TENM4: variants seen among roughly 807,000 people sequenced by gnomAD.
The protein encoded by TENM4 is teneurin transmembrane protein 4.
TENM4 carries 82 observed loss-of-function variants against 243.3 expected under a neutral mutation model. That is an observed-to-expected ratio of 0.34 (90% CI 0.28 to 0.40). TENM4 has a LOEUF of 0.40. Ranked by LOEUF, TENM4 falls within the 10% of genes least tolerant of loss-of-function variation. The probability of loss-of-function intolerance (pLI) is 1.00; values close to 1 mark genes in which losing one functional copy is unlikely to be tolerated. For missense variants in TENM4, 3,138 were observed against 3,673.3 expected (o/e 0.85, Z 3.77); for synonymous variants, 1,412 against 1,456.3 (o/e 0.97, Z 0.69).
At position 78,669,918 on chromosome 11, in the gene TENM4, T is replaced by C. The variant is rs1854947006; in HGVS notation, c.6427A>G (p.Lys2143Glu). The C allele has an allele frequency of 6.2e-7, 1 of 1,613,882 alleles. No homozygotes were observed. The highest frequency in any genetic ancestry group is 8.5e-7 in the Non-Finnish European group (1 of 1,179,854). The stretch of plus-strand genomic sequence containing the variant: ...ATCCTGCCATATGCATCAAAATGCT[T>C]GGTGTGGGTCATGACAGCTGTGGTG... The part of the protein sequence containing the change: ...IITTAVMTHT[K>E]HFDAYGRMKE... Residue 2143 changes from lysine to glutamate, a missense_variant, in exon 32 of 34, where the codon AAG becomes GAG. Physicochemically the swap from Lys to Glu is moderately conservative, Grantham distance 56. Transcript: ENST00000278550. The surrounding 1 kb of genome is among the most constrained non-coding windows in gnomAD (Gnocchi z 6.4).
At chr11:78,977,909 G>A (rs2136609710) in intron 6 of TENM4, among the ~76,000 whole-genome samples, 1 of 152,322 alleles carries the variant, frequency 6.6e-6, no homozygotes, top group East Asian at 1.9e-4. Context: ...GCATACATAT[G>A]TTTATTGCAG....
chr11:78,878,739 G>A (rs1013053182), intron 9 of TENM4, among the ~76,000 whole-genome samples: 2 of 152,214 alleles, frequency 1.3e-5, no homozygotes, highest in Middle Eastern at 3.2e-3. Flanking sequence ...GGATCTAGCA[G>A]TGAGTAACAG....
chr11:79,008,159 A>G (rs965800173), intron 6 of TENM4, among the ~76,000 whole-genome samples: 4 of 152,176 alleles, frequency 2.6e-5, no homozygotes, highest in Non-Finnish European at 2.9e-5. Context: ...GTGGGCTTGC[A>G]TGGTTCCCTG....
chr11:79,412,382 G>T (rs570909923), intron 1 of TENM4, among the ~76,000 whole-genome samples: 1 of 152,160 alleles, frequency 6.6e-6, no homozygotes, highest in Admixed American at 6.5e-5. Context: ...TCGTAAGACA[G>T]TTGGGGTCCA....
chr11:79,104,715 A>G (rs138874287), intron 4 of TENM4, among the ~76,000 whole-genome samples: 1 of 152,366 alleles, frequency 6.6e-6, no homozygotes, highest in African/African-American at 2.4e-5. Context: ...TATTTCCATT[A>G]AAACGTTATT....
At chr11:79,343,851 C>T (rs1428511139) in intron 1 of TENM4, among the ~76,000 whole-genome samples, 1 of 152,210 alleles carries the variant, frequency 6.6e-6, no homozygotes, top group Non-Finnish European at 1.5e-5. Context: ...GCTGCTTCCC[C>T]AGGCTCATGC....
chr11:78,977,292 C>CCA (rs1178582135), intron 6 of TENM4, among the ~76,000 whole-genome samples: 2 of 152,226 alleles, frequency 1.3e-5, no homozygotes, highest in Non-Finnish European at 2.9e-5. Flanking sequence ...TCTGCAACAA[C>CCA]ACTGTTTTCA....
intron 11 of TENM4, among the ~76,000 whole-genome samples, chr11:78,855,051 T>TCTAG (rs753283049): frequency 5.6e-4 from 86 of 152,292 alleles, no homozygotes; most frequent in Non-Finnish European, 8.7e-4. Flanking sequence ...TGGGTAGTTA[T>TCTAG]CTAGCTAGCT....
chr11:78,877,647 ATTGCCCC>A (rs1294484657), intron 9 of TENM4, among the ~76,000 whole-genome samples: 2 of 152,086 alleles, frequency 1.3e-5, no homozygotes, highest in African/African-American at 4.8e-5. Context: ...GGGGCTTTAA[ATTGCCCC>A]CAGGGCCTCC....
intron 1 of TENM4, among the ~76,000 whole-genome samples, chr11:79,405,860 A>AAC (rs1858557426): frequency 6.6e-6 from 1 of 151,538 alleles, no homozygotes; most frequent in African/African-American, 2.4e-5. Flanking sequence ...AAAAAAAAAA[A>AAC]AAAAAAAAAA....
At chr11:79,163,504 C>A (rs935287446) in intron 3 of TENM4, among the ~76,000 whole-genome samples, 5 of 151,816 alleles carry the variant, frequency 3.3e-5, no homozygotes, top group African/African-American at 1.2e-4. Context: ...GAGCAGTGCA[C>A]CCTATACCCA....
At chr11:78,896,033 C>T (rs963035626) in intron 7 of TENM4, among the ~76,000 whole-genome samples, 5 of 152,168 alleles carry the variant, frequency 3.3e-5, no homozygotes, top group African/African-American at 1.2e-4. Context: ...TGACTTAAGG[C>T]AGGCTGAGCT....
At chr11:78,769,147 G>C (rs533154199) in intron 18 of TENM4, among the ~76,000 whole-genome samples, 2 of 152,296 alleles carry the variant, frequency 1.3e-5, no homozygotes, top group Admixed American at 1.3e-4. Context: ...TATTACATGA[G>C]TGTTATTATT....
chr11:78,869,522 G>C (rs926322806), intron 9 of TENM4, among the ~76,000 whole-genome samples: 1 of 152,136 alleles, frequency 6.6e-6, no homozygotes, highest in Non-Finnish European at 1.5e-5. Context: ...TACAGCATGG[G>C]GGAGGGGTCC....
intron 3 of TENM4, among the ~76,000 whole-genome samples, chr11:79,194,333 G>C (rs1474002210): frequency 6.6e-6 from 1 of 151,828 alleles, no homozygotes; most frequent in Non-Finnish European, 1.5e-5. Context: ...AAAGATACCT[G>C]AAAATGTGGA....
chr11:79,135,539 A>G (rs149594293), intron 4 of TENM4, among the ~76,000 whole-genome samples: 213 of 152,114 alleles, frequency 1.4e-3, no homozygotes, highest in African/African-American at 4.6e-3. Flanking sequence ...TACAAAAAAG[A>G]TACTTGCACA....
At chr11:78,670,997 C>T (rs934953990) in intron 31 of TENM4, among the ~76,000 whole-genome samples, 2 of 152,236 alleles carry the variant, frequency 1.3e-5, no homozygotes, top group African/African-American at 4.8e-5. Flanking sequence ...CTTCTCAAAC[C>T]AATCTTCCTA....
intron 25 of TENM4, among the ~76,000 whole-genome samples, chr11:78,719,792 C>T (rs553088922): frequency 5.1e-4 from 78 of 152,298 alleles, no homozygotes; most frequent in African/African-American, 1.7e-3. Flanking sequence ...TACTGCATGT[C>T]GCTGTGAGTC....
At chr11:78,974,800 C>T (rs1472417190) in intron 6 of TENM4, among the ~76,000 whole-genome samples, 1 of 151,034 alleles carries the variant, frequency 6.6e-6, no homozygotes, top group Non-Finnish European at 1.5e-5. Flanking sequence ...GATTCCTGTG[C>T]CTCAGCCACC....
Sources: gnomAD v4.1 joint callset for allele counts (sites outside exome capture counted in the v4.1 genomes callset) on GRCh38, gnomAD v4.1.1 for gene constraint, Gnocchi (gnomAD v3.1) non-coding constraint, MANE v1.5 for transcripts, NCBI Gene and HGNC (gene_info 2026-07-23, HGNC 2026-07-21) for gene names.